Variants in CNBD1 observed in about 807,000 individuals in gnomAD.
The protein encoded by CNBD1 is cyclic nucleotide-binding domain-containing protein 1.
In CNBD1, 71 loss-of-function variants were observed where a neutral mutation model predicts 54.4. The ratio of observed to expected loss-of-function variants is 1.30; its 90% CI spans 1.08 to 1.59. The LOEUF (loss-of-function observed/expected upper bound fraction) is 1.59. CNBD1 is among the 40% of genes most tolerant of loss of function. The pLI is 0.00. For missense variants in CNBD1, 659 were observed against 518.0 expected (o/e 1.27, Z -2.64); for synonymous variants, 182 against 170.7 (o/e 1.07, Z -0.51).
intron 8 of CNBD1, among the ~76,000 whole-genome samples, chr8:87,304,428 T>C (rs923323466): frequency 1.3e-5 from 2 of 151,644 alleles, no homozygotes; most frequent in Non-Finnish European, 2.9e-5. Flanking sequence ...TAGGTGGGAA[T>C]TGAACAATGA....
chr8:87,007,722 A>G (rs957407799), intron 4 of CNBD1, among the ~76,000 whole-genome samples: 1 of 152,152 alleles, frequency 6.6e-6, no homozygotes, highest in Non-Finnish European at 1.5e-5. Flanking sequence ...ACATTCTTAA[A>G]GTTTTCCTTA....
rs542210795 is a variant in CNBD1 at position 87,050,993 on chromosome 8, C to G, written c.431+111239C>G. Among the ~76,000 whole-genome samples the G allele has an allele frequency of 9.2e-5, 14 of 152,252 alleles. No homozygotes were observed. The South Asian group carries it at 2.9e-3, about 32-fold the overall frequency. Reference sequence around the variant, plus strand: ...TTCAGCCAATCTTTCCCTGAATTACCCATACCTGTAAGTTAATATTGGTTT... The same window carrying G: ...TTCAGCCAATCTTTCCCTGAATTACGCATACCTGTAAGTTAATATTGGTTT... On this transcript the variant is annotated intron_variant, in intron 4 of 10. Transcript: ENST00000518476.
chr8:87,326,389 T>A (rs1157890632), intron 8 of CNBD1, among the ~76,000 whole-genome samples: 1 of 126,418 alleles, frequency 7.9e-6, no homozygotes, highest in East Asian at 2.0e-4. Flanking sequence ...GATAATATCC[T>A]GTAGAGTGTT....
At chr8:86,876,383 C>A (rs1225662159) in intron 1 of CNBD1, among the ~76,000 whole-genome samples, 2 of 151,296 alleles carry the variant, frequency 1.3e-5, no homozygotes, top group African/African-American at 2.4e-5. Flanking sequence ...TGTGTAAAAC[C>A]TTCTTTTCTG....
chr8:87,202,971 C>G (rs1813895369), intron 4 of CNBD1, among the ~76,000 whole-genome samples: 2 of 152,104 alleles, frequency 1.3e-5, no homozygotes, highest in Admixed American at 6.6e-5. Flanking sequence ...GTGGTTGTAC[C>G]TGAAAAATCA....
chr8:87,407,779 T>C (rs1413867048), intron 2 of CNBD1, among the ~76,000 whole-genome samples: 1 of 152,042 alleles, frequency 6.6e-6, no homozygotes, highest in Non-Finnish European at 1.5e-5. Flanking sequence ...ATACATGTAT[T>C]TGTATTATGG....
At chr8:87,371,377 A>C (rs1022591677) in intron 10 of CNBD1, among the ~76,000 whole-genome samples, 5 of 151,964 alleles carry the variant, frequency 3.3e-5, no homozygotes, top group Admixed American at 6.6e-5. Context: ...ATGTTCTTCC[A>C]TTTGTTTGTA....
At chr8:87,118,703 A>G (rs1811829885) in intron 4 of CNBD1, among the ~76,000 whole-genome samples, 1 of 152,118 alleles carries the variant, frequency 6.6e-6, no homozygotes. Context: ...TTCGTTATAT[A>G]TTCTCCTCTT....
intron 2 of CNBD1, chr8:87,428,500 T>C: frequency 2.6e-6 from 1 of 391,242 alleles, no homozygotes; most frequent in Non-Finnish European, 5.0e-6. Context: ...TTTATGAAGA[T>C]TATTTTTTTA....
At chr8:87,425,485 A>C (rs926325533) in intron 2 of CNBD1, among the ~76,000 whole-genome samples, 4 of 152,190 alleles carry the variant, frequency 2.6e-5, no homozygotes, top group Non-Finnish European at 5.9e-5. Context: ...GGTGACGTAC[A>C]GATGGGTTTT....
chr8:87,352,144 G>A (rs1177466910), intron 9 of CNBD1, among the ~76,000 whole-genome samples: 2 of 152,104 alleles, frequency 1.3e-5, no homozygotes, highest in Non-Finnish European at 2.9e-5. Context: ...ACTCCAGATA[G>A]TTTCTCCAGA....
chr8:87,122,668 A>G (rs1412556569), intron 4 of CNBD1, among the ~76,000 whole-genome samples: 3 of 151,704 alleles, frequency 2.0e-5, no homozygotes, highest in Non-Finnish European at 3.0e-5. Context: ...CCCCTATTTT[A>G]TTCGAGTAGT....
At chr8:87,055,644 G>A (rs2130630143) in intron 4 of CNBD1, among the ~76,000 whole-genome samples, 1 of 152,274 alleles carries the variant, frequency 6.6e-6, no homozygotes, top group South Asian at 2.1e-4. Context: ...TGATTTTTCA[G>A]GCAGGCTGCT....
chr8:86,997,826 C>T (rs1331819214), intron 4 of CNBD1, among the ~76,000 whole-genome samples: 1 of 151,984 alleles, frequency 6.6e-6, no homozygotes, highest in Non-Finnish European at 1.5e-5. Context: ...TTTAGTAGGG[C>T]CTAATTTTTC....
intron 4 of CNBD1, among the ~76,000 whole-genome samples, chr8:86,994,421 G>C (rs1318511633): frequency 6.6e-6 from 1 of 152,214 alleles, no homozygotes; most frequent in Non-Finnish European, 1.5e-5. Context: ...TCCTGGCCAG[G>C]TGGACAGCTG....
chr8:87,361,551 G>C (rs1273814764), intron 10 of CNBD1, among the ~76,000 whole-genome samples: 1 of 151,614 alleles, frequency 6.6e-6, no homozygotes. Flanking sequence ...TGTTTATATA[G>C]TTTTAGGAAG....
At chr8:86,997,798 C>G (rs555165850) in intron 4 of CNBD1, among the ~76,000 whole-genome samples, 1 of 151,878 alleles carries the variant, frequency 6.6e-6, no homozygotes, top group South Asian at 2.1e-4. Flanking sequence ...TCCTTCAGAC[C>G]CAGCGGGTGG....
chr8:86,873,895 A>G (rs141864337), intron 1 of CNBD1, among the ~76,000 whole-genome samples: 2 of 152,166 alleles, frequency 1.3e-5, no homozygotes. Context: ...CGTCATCCCC[A>G]TATTTCAGTG....
downstream of CNBD1, among the ~76,000 whole-genome samples, chr8:87,384,041 A>G (rs775459279): frequency 4.8e-5 from 7 of 146,540 alleles, no homozygotes; most frequent in African/African-American, 1.1e-4. Flanking sequence ...GGCTCATTCA[A>G]TTAAGAATGA....
Sources: gnomAD v4.1 joint callset for allele counts (sites outside exome capture counted in the v4.1 genomes callset) on GRCh38, gnomAD v4.1.1 for gene constraint, MANE v1.5 for transcripts, NCBI Gene and HGNC (gene_info 2026-07-23, HGNC 2026-07-21) for gene names.